GID4: variants seen among roughly 807,000 people sequenced by gnomAD.
GID4 encodes glucose-induced degradation protein 4 homolog.
A neutral mutation model predicts 32.4 loss-of-function variants in GID4; 7 were observed. The ratio of observed to expected loss-of-function variants is 0.22; its 90% CI spans 0.12 to 0.41. The LOEUF is 0.41. Ranked by LOEUF, GID4 falls within the 10% of genes least tolerant of loss-of-function variation. GID4 has a pLI of 1.00. For missense variants in GID4, 309 were observed against 400.0 expected (o/e 0.77, Z 1.94); for synonymous variants, 166 against 170.0 (o/e 0.98, Z 0.18).
intron 2 of GID4, 62 bp downstream of exon 2, chr17:18,045,268 G>A: frequency 7.4e-7 from 1 of 1,343,808 alleles, no homozygotes; most frequent in East Asian, 2.3e-5. Context: ...CAGGCTCATT[G>A]GGGTTCAGGG....
intron 3 of GID4, among the ~76,000 whole-genome samples, chr17:18,054,664 C>T (rs1459290085): frequency 2.0e-5 from 3 of 152,220 alleles, no homozygotes; most frequent in African/African-American, 7.2e-5. Context: ...TGCCTGCCCA[C>T]TGGCTTATCA....
At position 18,065,333 on chromosome 17, in the gene GID4, G is replaced by C. The variant is rs776918441; in HGVS notation, c.*90G>C. On this transcript the variant is annotated 3_prime_UTR_variant, in exon 6 of 6. Coordinates refer to ENST00000268719, the MANE Select transcript of GID4 (RefSeq NM_024052.5). Reference sequence around the variant, plus strand: ...TGTGTACCTGCCAGAACCAGGAGAAGTGTGTTCCTGTTTCTTCACGAGCAG... The same window carrying C: ...TGTGTACCTGCCAGAACCAGGAGAACTGTGTTCCTGTTTCTTCACGAGCAG... The C allele has an allele frequency of 3.2e-6, 3 of 926,358 alleles. No homozygotes were observed. Among genetic ancestry groups the C allele is most frequent in the Non-Finnish European group, 5.3e-6 (3 of 567,706 alleles). 57.4% of individuals were successfully genotyped at this position (926,358 alleles called of 1,614,324 possible).
chr17:18,058,945 A>C lies in GID4; in HGVS notation c.684A>C (p.Gly228=). 6.2e-7 allele frequency: 1 copy of C among 1,610,840 alleles called. No homozygotes were observed. The highest frequency in any genetic ancestry group is 1.1e-5 in the South Asian group (1 of 90,974). The change falls in exon 4 of 6, where the codon GGA becomes GGC. Residue 228 remains glycine, a synonymous_variant. Coordinates refer to ENST00000268719, the MANE Select transcript of GID4 (RefSeq NM_024052.5). ...TTGATTATGAAGAGCTGAAGAATGG[A>C]GACTACGTCTTCATGAGGTGGAAGG... ...DDFDYEELKN[G]DYVFMRWKEQ...
chr17:18,056,584 A>T, intron 3 of GID4: 1 of 908,396 alleles, frequency 1.1e-6, no homozygotes, highest in Non-Finnish European at 1.6e-6. Context: ...TTTCCATTTC[A>T]TATTGGTCCT....
rs2044758352 is a variant in GID4, at chr17:18,039,413, T to G, written c.-52T>G. 10 of 1,214,426 alleles carry G rather than the reference T, an allele frequency of 8.2e-6. No homozygotes were observed. Among genetic ancestry groups the G allele is most frequent in the Non-Finnish European group, 1.0e-5 (9 of 903,958 alleles). The allele number at this position is 1,214,426 out of a possible 1,614,324, so 75.2% of individuals were successfully genotyped here. On this transcript the variant is annotated 5_prime_UTR_variant, in exon 1 of 6. Transcript: ENST00000268719. This position sits in a 1 kb window ranked among gnomAD's most constrained non-coding sequence, Gnocchi z 5.3. ...CCAATCGGAAGGGGCGGGGTGTGTG[T>G]GTGTCTGTGTGTGTTTGTGTGTTGT... is the stretch of plus-strand genomic sequence containing the variant.
At chr17:18,056,878 T>A (rs2044972673) in intron 3 of GID4, 1 of 1,550,494 alleles carries the variant, frequency 6.4e-7, no homozygotes, top group African/African-American at 1.4e-5. Context: ...TTTGTAGTAC[T>A]CAGCATTTCC....
chr17:18,064,615 G>A (rs2045044498), intron 5 of GID4, among the ~76,000 whole-genome samples: 1 of 152,068 alleles, frequency 6.6e-6, no homozygotes, highest in African/African-American at 2.4e-5. Context: ...TGGATCACCT[G>A]CCAACAGGGG....
chr17:18,054,880 T>C (rs1371272955), intron 3 of GID4, among the ~76,000 whole-genome samples: 1 of 152,152 alleles, frequency 6.6e-6, no homozygotes, highest in Non-Finnish European at 1.5e-5. Context: ...TCTTCAAAAA[T>C]CAGTGTCTCG....
In GID4 at chr17:18,046,909, C is replaced by T. The variant is rs140746270; in HGVS notation, c.498+1703C>T. ...TGCGCTCCAGCCTGAGCAACAAGAG[C>T]GAAACTTTGTCTCAAAAAAAAAAAA... On this transcript the variant is annotated intron_variant, in intron 2 of 5. Coordinates refer to ENST00000268719, the MANE Select transcript of GID4 (RefSeq NM_024052.5). 5.7e-3 allele frequency among the ~76,000 whole-genome samples: 700 copies of T among 123,486 alleles called. 9 individuals carry two copies. Among genetic ancestry groups the T allele is most frequent in the African/African-American group, 0.022 (675 of 31,342 alleles). 81.0% of individuals were successfully genotyped at this position (123,486 alleles called of 152,430 possible). A position where few individuals can be genotyped will look rare whatever the true frequency, so the allele number is the denominator to read the frequency against.
In GID4 at chr17:18,039,654, C is replaced by T. The variant is rs1038896729; in HGVS notation, c.190C>T (p.Arg64Cys). 1 of 1,358,612 alleles carries T rather than the reference C, an allele frequency of 7.4e-7. No homozygotes were observed. Among genetic ancestry groups the T allele is most frequent in the South Asian group, 1.8e-5 (1 of 54,504 alleles). The allele number at this position is 1,358,612 out of a possible 1,614,324, so 84.2% of individuals were successfully genotyped here. A position where few individuals can be genotyped will look rare whatever the true frequency, so the allele number is the denominator to read the frequency against. The change falls in exon 1 of 6, where the codon CGC becomes TGC. Residue 64 changes from arginine to cysteine, a missense_variant. Physicochemically the swap from Arg to Cys is radical, Grantham distance 180 (BLOSUM62 -3). This residue lies in a region of GID4 where 193 missense variants were observed against 185.8 expected (regional missense o/e 1.04). Coordinates refer to ENST00000268719, the MANE Select transcript of GID4 (RefSeq NM_024052.5). This position sits in a 1 kb window ranked among gnomAD's most constrained non-coding sequence, Gnocchi z 5.3. Reference sequence around the variant, plus strand: ...CCTCCCCGCCACCCTCCTCGGCTCCCGCGCGGCGGCGGCGGTTCCTCTCCC... The same window carrying T: ...CCTCCCCGCCACCCTCCTCGGCTCCTGCGCGGCGGCGGCGGTTCCTCTCCC... ...LSLPATLLGS[R>C]AAAAVPLPLP... is the part of the protein sequence containing the mutation.
At position 18,049,673 on chromosome 17, in the gene GID4, C is replaced by G. The variant is rs534504630; in HGVS notation, c.499-4454C>G. Among the ~76,000 whole-genome samples, 4 of 152,006 alleles carry G rather than the reference C, an allele frequency of 2.6e-5. No homozygotes were observed. In the South Asian group the frequency reaches 8.3e-4, roughly 32 times the overall value. On this transcript the variant is annotated intron_variant, in intron 2 of 5. Coordinates refer to ENST00000268719, the MANE Select transcript of GID4 (RefSeq NM_024052.5). Reference sequence around the variant, plus strand: ...TTTTTTTTTGAGATGAAGTCTCGCTCTGTTGCCCAGGCTTGAGTGCAGTGG... The same window carrying G: ...TTTTTTTTTGAGATGAAGTCTCGCTGTGTTGCCCAGGCTTGAGTGCAGTGG...
At position 18,039,729 on chromosome 17, in the gene GID4, G is replaced by A. The variant is rs1330024154; in HGVS notation, c.265G>A (p.Glu89Lys). Residue 89 changes from glutamate to lysine, a missense_variant, in exon 1 of 6, where the codon GAG becomes AAG. Coordinates refer to ENST00000268719, the MANE Select transcript of GID4 (RefSeq NM_024052.5). This position sits in a 1 kb window ranked among gnomAD's most constrained non-coding sequence, Gnocchi z 5.3. ...GGACCCCGCGATGCCGGTCCGCACC[G>A]AGTGTCCCCCGCCGGCCGGTGCCTC... ...PGDPAMPVRT[E>K]CPPPAGASAA... 4.0e-6 allele frequency: 6 copies of A among 1,516,910 alleles called. No individual in the cohort carries two copies. The highest frequency in any genetic ancestry group is 5.3e-6 in the Non-Finnish European group (6 of 1,133,296). The allele number at this position is 1,516,910 out of a possible 1,614,324, so 94.0% of individuals were successfully genotyped here.
rs184102505 is a variant in GID4 at position 18,042,167 on chromosome 17, T to C, written c.438+2265T>C. On this transcript the variant is annotated intron_variant, in intron 1 of 5. Coordinates refer to ENST00000268719, the MANE Select transcript of GID4 (RefSeq NM_024052.5). ...TTTGTTTTGTTTTCTTTCTTTCTTT[T>C]TGTATCTTTATTTAGATAGAATTCA... Among the ~76,000 whole-genome samples the C allele has an allele frequency of 1.2e-4, 18 of 152,376 alleles. No homozygotes were observed. The East Asian group carries it at 3.5e-3, about 29-fold the overall frequency.
intron 2 of GID4, among the ~76,000 whole-genome samples, chr17:18,045,815 A>G (rs1230235240): frequency 6.6e-6 from 1 of 151,648 alleles, no homozygotes; most frequent in Middle Eastern, 3.2e-3. Context: ...GAATCACTTG[A>G]ACCAGAGAGG....
intron 2 of GID4, among the ~76,000 whole-genome samples, chr17:18,049,671 C>T (rs1304781193): frequency 6.6e-6 from 1 of 151,980 alleles, no homozygotes; most frequent in Non-Finnish European, 1.5e-5. Context: ...TGAAGTCTCG[C>T]TCTGTTGCCC....
intron 5 of GID4, among the ~76,000 whole-genome samples, chr17:18,063,805 C>T (rs746690516): frequency 3.9e-5 from 6 of 152,130 alleles, no homozygotes; most frequent in Non-Finnish European, 7.4e-5. Flanking sequence ...TTCAGTGGCA[C>T]GATCTCGGCT....
rs183844554 is a variant in GID4 at position 18,066,031 on chromosome 17, T to A, written c.*788T>A. 26 of 152,412 alleles carry A rather than the reference T, an allele frequency of 1.7e-4. No individual in the cohort carries two copies. Among genetic ancestry groups the A allele is most frequent in the African/African-American group, 5.5e-4 (23 of 41,588 alleles). The allele number at this position is 152,412 out of a possible 1,614,324, so 9.4% of individuals were successfully genotyped here. On this transcript the variant is annotated 3_prime_UTR_variant, in exon 6 of 6. Coordinates refer to ENST00000268719, the MANE Select transcript of GID4 (RefSeq NM_024052.5). ...CTAAACTTAAAAATAAGAGTTTTTT[T>A]ATTACAAAATTATTTTTATGGTCCC...
chr17:18,062,991 G>A (rs1009016705), intron 5 of GID4, among the ~76,000 whole-genome samples: 3 of 151,352 alleles, frequency 2.0e-5, no homozygotes, highest in Admixed American at 1.3e-4. Context: ...GGAGAATGGC[G>A]TGAACCTGGG....
intron 1 of GID4, 68 bp from the exon 2 acceptor site, chr17:18,045,079 A>C: frequency 8.0e-7 from 1 of 1,244,174 alleles, no homozygotes; most frequent in Non-Finnish European, 1.2e-6. Context: ...GGATTTGCAG[A>C]GTACCCTCCT....
Sources: allele counts gnomAD v4.1 joint callset (sites outside exome capture counted in the v4.1 genomes callset), GRCh38; gene constraint gnomAD v4.1.1; regional missense constraint gnomAD v4.1.1; non-coding constraint Gnocchi (gnomAD v3.1); transcripts MANE v1.5; gene names NCBI Gene and HGNC (gene_info 2026-07-23, HGNC 2026-07-21).